CADPS: variants seen among roughly 807,000 people sequenced by gnomAD.
CADPS encodes the protein calcium-dependent secretion activator 1.
In CADPS, 57 loss-of-function variants were observed where a neutral mutation model predicts 167.3. That is an observed-to-expected ratio of 0.34 (90% CI 0.28 to 0.42). The LOEUF (loss-of-function observed/expected upper bound fraction) is 0.42. CADPS is among the 20% of genes least tolerant of loss of function. The pLI, the probability that CADPS is intolerant of heterozygous loss-of-function variation, is 1.00. For synonymous variants in CADPS, 676 were observed against 635.3 expected (o/e 1.06, Z -0.96); for missense variants, 1,414 against 1,738.1 (o/e 0.81, Z 3.32).
At position 62,694,256 on chromosome 3, in the gene CADPS, T is replaced by A. The variant is rs568427064; in HGVS notation, c.889-31862A>T. Among the ~76,000 whole-genome samples, 6 of 152,234 alleles carry A rather than the reference T, an allele frequency of 3.9e-5. 1 individual carries two copies. The South Asian group carries it at 1.0e-3, about 26-fold the overall frequency. On this transcript the variant is annotated intron_variant, in intron 3 of 29. Transcript: ENST00000383710. ...ATTTTGATTATCAAAGTCCATTGGA[T>A]CAGGTCATAGATAAATCTATGTTTA...
At chr3:62,761,395 A>T (rs1207661203) in intron 2 of CADPS, among the ~76,000 whole-genome samples, 1 of 152,070 alleles carries the variant, frequency 6.6e-6, no homozygotes, top group Non-Finnish European at 1.5e-5. Context: ...AAACAAAAAA[A>T]TAACAACAAC....
intron 3 of CADPS, among the ~76,000 whole-genome samples, chr3:62,730,595 T>A (rs2077578214): frequency 6.6e-6 from 1 of 152,126 alleles, no homozygotes. Flanking sequence ...ATGGGGCCAA[T>A]AAACATTCTG....
chr3:62,729,537 C>T (rs2077360896), intron 3 of CADPS, among the ~76,000 whole-genome samples: 1 of 151,882 alleles, frequency 6.6e-6, no homozygotes, highest in South Asian at 2.1e-4. Context: ...AATCTCAGGT[C>T]TGCTACTCAC....
chr3:62,775,807 T>G (rs1004506944), intron 1 of CADPS, among the ~76,000 whole-genome samples: 2 of 152,208 alleles, frequency 1.3e-5, no homozygotes, highest in Non-Finnish European at 2.9e-5. Context: ...TTTCACTGTA[T>G]AGAATATTAA....
intron 3 of CADPS, among the ~76,000 whole-genome samples, chr3:62,715,644 T>A (rs952308952): frequency 6.6e-6 from 1 of 151,390 alleles, no homozygotes; most frequent in Non-Finnish European, 1.5e-5. Flanking sequence ...CATATGACAT[T>A]TGGAATACCA....
intron 4 of CADPS, among the ~76,000 whole-genome samples, chr3:62,655,216 C>A (rs2071250186): frequency 6.6e-6 from 1 of 152,154 alleles, no homozygotes; most frequent in African/African-American, 2.4e-5. Flanking sequence ...TACTGTCAAT[C>A]CAGGCTGAGT....
chr3:62,824,166 CA>C (rs3047274), intron 1 of CADPS, among the ~76,000 whole-genome samples: 28,007 of 126,458 alleles, frequency 0.22, 3,814 homozygotes, highest in African/African-American at 0.46. Context: ...GCTATAACTT[CA>C]AAAAAAAAAA....
intron 4 of CADPS, among the ~76,000 whole-genome samples, chr3:62,661,824 G>A (rs1429066085): frequency 6.6e-6 from 1 of 152,122 alleles, no homozygotes; most frequent in Non-Finnish European, 1.5e-5. Context: ...CCACATTTAA[G>A]AGGCAGTCAC....
intron 29 of CADPS, 138 bp downstream of exon 29, chr3:62,402,943 T>A (rs912855158): frequency 3.9e-6 from 2 of 513,422 alleles, no homozygotes; most frequent in Non-Finnish European, 6.9e-6. Flanking sequence ...CACAAAACAA[T>A]TGCATAGGTT....
At chr3:62,816,291 A>C (rs2094607974) in intron 1 of CADPS, among the ~76,000 whole-genome samples, 1 of 152,138 alleles carries the variant, frequency 6.6e-6, no homozygotes, top group African/African-American at 2.4e-5. Flanking sequence ...CTTTGGAGGC[A>C]GTCCCCAAGG....
At chr3:62,454,240 A>G (rs2058418686) in intron 26 of CADPS, among the ~76,000 whole-genome samples, 1 of 152,226 alleles carries the variant, frequency 6.6e-6, no homozygotes, top group African/African-American at 2.4e-5. Flanking sequence ...ACCTTGGGAA[A>G]AGCAATGAAC....
chr3:62,542,247 A>C (rs1325615522), intron 11 of CADPS, among the ~76,000 whole-genome samples: 1 of 152,192 alleles, frequency 6.6e-6, no homozygotes, highest in African/African-American at 2.4e-5. Flanking sequence ...GCTAGAGGCA[A>C]GAGAATAGCT....
intron 11 of CADPS, among the ~76,000 whole-genome samples, chr3:62,542,572 C>T (rs764869725): frequency 5.3e-5 from 8 of 152,142 alleles, no homozygotes; most frequent in Non-Finnish European, 1.2e-4. Flanking sequence ...CCTCACATGC[C>T]TGCTGCCCAG....
chr3:62,842,744 G>A (rs2076824019), intron 1 of CADPS, among the ~76,000 whole-genome samples: 1 of 152,080 alleles, frequency 6.6e-6, no homozygotes, highest in Admixed American at 6.6e-5. Context: ...CAGAATCCGG[G>A]CTTTATGACC....
intron 1 of CADPS, among the ~76,000 whole-genome samples, chr3:62,818,041 T>G (rs1341251653): frequency 6.6e-6 from 1 of 152,138 alleles, no homozygotes; most frequent in African/African-American, 2.4e-5. Flanking sequence ...TTTTCTAGCT[T>G]TAGGTTGATG....
intron 16 of CADPS, among the ~76,000 whole-genome samples, chr3:62,515,366 G>A (rs141610347): frequency 2.5e-5 from 2 of 79,302 alleles, no homozygotes; most frequent in South Asian, 5.2e-4. Flanking sequence ...TAATACCTTC[G>A]TGGATGAATA....
intron 3 of CADPS, among the ~76,000 whole-genome samples, chr3:62,703,494 C>A (rs1053486895): frequency 6.6e-6 from 1 of 152,134 alleles, no homozygotes; most frequent in Non-Finnish European, 1.5e-5. Flanking sequence ...TGTCTACAGT[C>A]CTCAAATATT....
At chr3:62,776,219 G>C (rs1194868947) in intron 1 of CADPS, among the ~76,000 whole-genome samples, 1 of 152,152 alleles carries the variant, frequency 6.6e-6, no homozygotes, top group African/African-American at 2.4e-5. Context: ...TAGTCTTGGA[G>C]AATATAGCAT....
At chr3:62,658,828 C>T (rs2072407316) in intron 4 of CADPS, among the ~76,000 whole-genome samples, 1 of 152,080 alleles carries the variant, frequency 6.6e-6, no homozygotes, top group African/African-American at 2.4e-5. Context: ...GCCCTTGAAC[C>T]AAGTTGGGCC....
Sources: gnomAD v4.1 joint callset for allele counts (sites outside exome capture counted in the v4.1 genomes callset) on GRCh38, gnomAD v4.1.1 for gene constraint, MANE v1.5 for transcripts, NCBI Gene and HGNC (gene_info 2026-07-23, HGNC 2026-07-21) for gene names.